The following PCDH15 variants were observed in gnomAD, a reference collection of about 807,000 sequenced individuals.
The protein encoded by PCDH15 is protocadherin-15.
Under a neutral mutation model 178.5 loss-of-function variants are expected in PCDH15, and 129 were observed. That is an observed-to-expected ratio of 0.72 (90% confidence interval 0.63 to 0.84). The LOEUF is 0.84. Among genes scored for constraint, PCDH15 ranks in the 40% least tolerant of loss-of-function variants. The probability of loss-of-function intolerance (pLI) is 0.00; values close to 1 mark genes in which losing one functional copy is unlikely to be tolerated. For synonymous variants in PCDH15, 800 were observed against 732.0 expected, an observed-to-expected ratio of 1.09 and a Z score of -1.50; for missense variants, 2,230 against 2,099.9, an observed-to-expected ratio of 1.06 and a Z score of -1.21.
intron 2 of PCDH15, among the ~76,000 whole-genome samples, chr10:55,390,458 T>C (rs540415208): frequency 1.3e-5 from 2 of 152,306 alleles, no homozygotes; most frequent in African/African-American, 4.8e-5. Context: ...TATAATGACG[T>C]TTGATAGCAT....
At chr10:53,869,140 C>T (rs1439012605) in intron 26 of PCDH15, among the ~76,000 whole-genome samples, 1 of 152,174 alleles carries the variant, frequency 6.6e-6, no homozygotes, top group Non-Finnish European at 1.5e-5. Context: ...CAAGCTCAAA[C>T]TACCGGCTAA....
intron 1 of PCDH15, among the ~76,000 whole-genome samples, chr10:54,798,564 A>C (rs961264089): frequency 2.0e-5 from 3 of 152,142 alleles, no homozygotes; most frequent in Non-Finnish European, 4.4e-5. Flanking sequence ...CCCGATACTA[A>C]GAACTCTTTT....
At chr10:54,765,552 C>G (rs1948408637) in intron 1 of PCDH15, among the ~76,000 whole-genome samples, 1 of 152,012 alleles carries the variant, frequency 6.6e-6, no homozygotes, top group Admixed American at 6.6e-5. Flanking sequence ...AGTAAGCACT[C>G]AATAGATTTA....
At chr10:54,931,549 C>T (rs915972835) in intron 2 of PCDH15, among the ~76,000 whole-genome samples, 8 of 152,072 alleles carry the variant, frequency 5.3e-5, no homozygotes. Flanking sequence ...TATAGTGTGC[C>T]TTACAAACAA....
intron 26 of PCDH15, among the ~76,000 whole-genome samples, chr10:53,894,378 G>A (rs1460497439): frequency 1.3e-5 from 2 of 152,302 alleles, no homozygotes; most frequent in African/African-American, 2.4e-5. Flanking sequence ...GAGATCGGGC[G>A]CATTCAGGGT....
intron 1 of PCDH15, among the ~76,000 whole-genome samples, chr10:54,717,501 C>T (rs1591249083): frequency 6.8e-6 from 1 of 146,372 alleles, no homozygotes; most frequent in East Asian, 2.0e-4. Context: ...CCAAAAAACG[C>T]ATGAAAAAAT....
At chr10:54,848,177 G>T (rs1314870891) in intron 3 of PCDH15, among the ~76,000 whole-genome samples, 1 of 151,970 alleles carries the variant, frequency 6.6e-6, no homozygotes, top group Non-Finnish European at 1.5e-5. Context: ...TCAGGAGTTT[G>T]AGACCAGCCT....
At chr10:55,382,705 G>A (rs577195530) in intron 2 of PCDH15, among the ~76,000 whole-genome samples, 1 of 152,254 alleles carries the variant, frequency 6.6e-6, no homozygotes, top group Non-Finnish European at 1.5e-5. Context: ...AGTTCCTGTG[G>A]CCATGAGTCT....
At chr10:54,042,027 C>A (rs973956506) in intron 18 of PCDH15, among the ~76,000 whole-genome samples, 9 of 151,878 alleles carry the variant, frequency 5.9e-5, no homozygotes, top group African/African-American at 2.2e-4. Flanking sequence ...AAAATGTTTT[C>A]TATATAATGG....
At chr10:54,058,938 C>T (rs765788580) in intron 18 of PCDH15, among the ~76,000 whole-genome samples, 1 of 152,132 alleles carries the variant, frequency 6.6e-6, no homozygotes, top group South Asian at 2.1e-4. Flanking sequence ...AGATGATCCA[C>T]CCGCCTCGGC....
intron 3 of PCDH15, among the ~76,000 whole-genome samples, chr10:54,397,697 T>C (rs375565343): frequency 1.3e-5 from 2 of 152,146 alleles, no homozygotes; most frequent in Non-Finnish European, 1.5e-5. Flanking sequence ...AAGGTATAAA[T>C]AATCATAATA....
chr10:54,925,968 G>A (rs936930117), intron 2 of PCDH15, among the ~76,000 whole-genome samples: 4 of 152,122 alleles, frequency 2.6e-5, no homozygotes, highest in Admixed American at 2.6e-4. Context: ...GGTCTTGCCA[G>A]TACTTCCAAT....
At chr10:55,444,164 T>C (rs1226672212) in intron 2 of PCDH15, among the ~76,000 whole-genome samples, 1 of 151,746 alleles carries the variant, frequency 6.6e-6, no homozygotes, top group Non-Finnish European at 1.5e-5. Flanking sequence ...GGGTTAGCAT[T>C]AGGAGAAATA....
intron 3 of PCDH15, among the ~76,000 whole-genome samples, chr10:54,472,673 G>A (rs566780983): frequency 2.0e-5 from 3 of 152,298 alleles, no homozygotes; most frequent in South Asian, 4.1e-4. Flanking sequence ...ACGCATGGCA[G>A]TGATAGCAAC....
chr10:55,116,759 G>T (rs1220851748), intron 2 of PCDH15, among the ~76,000 whole-genome samples: 1 of 152,164 alleles, frequency 6.6e-6, no homozygotes, highest in Non-Finnish European at 1.5e-5. Context: ...AAGCAGGAAG[G>T]TCATTCTCTG....
At chr10:54,054,678 A>C (rs2093847026) in intron 18 of PCDH15, among the ~76,000 whole-genome samples, 1 of 152,252 alleles carries the variant, frequency 6.6e-6, no homozygotes, top group South Asian at 2.1e-4. Flanking sequence ...AAAATTTTCT[A>C]ATCTATTTAT....
chr10:55,591,140 T>A (rs533536268), intron 2 of PCDH15, among the ~76,000 whole-genome samples: 1 of 152,186 alleles, frequency 6.6e-6, no homozygotes, highest in Admixed American at 6.5e-5. Flanking sequence ...GCACTCTACA[T>A]ACATTGCTTC....
At chr10:53,925,082 G>A (rs957467392) in intron 25 of PCDH15, among the ~76,000 whole-genome samples, 2 of 152,136 alleles carry the variant, frequency 1.3e-5, no homozygotes, top group African/African-American at 4.8e-5. Context: ...AAAGCAGACT[G>A]CCCCAGCTAG....
intron 2 of PCDH15, among the ~76,000 whole-genome samples, chr10:54,969,555 ACT>A (rs1173656058): frequency 6.6e-6 from 1 of 152,116 alleles, no homozygotes; most frequent in African/African-American, 2.4e-5. Flanking sequence ...CTTAAGGAAG[ACT>A]CTGCAAATCT....
Sources: allele counts gnomAD v4.1 joint callset (sites outside exome capture counted in the v4.1 genomes callset), GRCh38; gene constraint gnomAD v4.1.1; transcripts MANE v1.5; gene names NCBI Gene and HGNC (gene_info 2026-07-23, HGNC 2026-07-21).